PRIMPOL: variants seen among roughly 807,000 people sequenced by gnomAD.
PRIMPOL encodes DNA-directed primase/polymerase protein.
Under a neutral mutation model 63.6 loss-of-function variants are expected in PRIMPOL, and 54 were observed. The ratio of observed to expected loss-of-function variants is 0.85; its 90% CI spans 0.68 to 1.07. The LOEUF (loss-of-function observed/expected upper bound fraction) is 1.07, where lower values mean the gene tolerates loss of function less well. PRIMPOL is among the 50% of genes least tolerant of loss of function. The pLI is 0.00. For missense variants in PRIMPOL, 610 were observed against 648.3 expected (o/e 0.94, Z 0.64); for synonymous variants, 197 against 220.2 (o/e 0.89, Z 0.93).
At chr4:184,673,581 C>A (rs945841685) in intron 7 of PRIMPOL, among the ~76,000 whole-genome samples, 6 of 151,796 alleles carry the variant, frequency 4.0e-5, no homozygotes, top group African/African-American at 1.2e-4. Context: ...TGCGCCACCA[C>A]GCCCAGCTAA....
intron 2 of PRIMPOL, 134 bp from the exon 3 acceptor site, chr4:184,656,948 T>C: frequency 2.2e-6 from 1 of 453,402 alleles, no homozygotes; most frequent in Non-Finnish European, 3.8e-6. Context: ...AGCCTTGCTC[T>C]CATTCTGTGG....
At position 184,691,494 on chromosome 4, in the gene PRIMPOL, TAA is replaced by T; in HGVS notation, c.1296-3_1296-2del. ...AATACTTTTTTTTTTTTTTTAAACA[TAA>T]AGGATTCTGGTTGATCTGAAAAATG... On this transcript the variant is annotated splice_polypyrimidine_tract_variant and splice_region_variant and intron_variant, in intron 11 of 13. Transcript: ENST00000314970. The T allele has an allele frequency of 6.6e-7, 1 of 1,518,752 alleles. No individual in the cohort carries two copies. The highest frequency in any genetic ancestry group is 9.1e-7 in the Non-Finnish European group (1 of 1,104,386). 94.1% of individuals were successfully genotyped at this position (1,518,752 alleles called of 1,614,324 possible).
chr4:184,686,368 G>A (rs1384850494), intron 11 of PRIMPOL, among the ~76,000 whole-genome samples: 4 of 152,104 alleles, frequency 2.6e-5, no homozygotes, highest in East Asian at 1.9e-4. Context: ...TCGAAAGTGC[G>A]CAGGTTTGGG....
At position 184,671,734 on chromosome 4, in the gene PRIMPOL, CT is replaced by C. The variant is rs1287797074; in HGVS notation, c.557-438del. ...AGTGGCATATAACAATTTATAGCGACTCGGTTTTTTTTTTTTTTTTTTTGGT... is the reference window on the plus strand; with the variant it reads ...AGTGGCATATAACAATTTATAGCGACCGGTTTTTTTTTTTTTTTTTTTGGT... On this transcript the variant is annotated intron_variant, in intron 6 of 13. Coordinates refer to ENST00000314970, the MANE Select transcript of PRIMPOL (RefSeq NM_152683.4). Among the ~76,000 whole-genome samples the C allele has an allele frequency of 4.1e-4, 55 of 135,338 alleles. No homozygotes were observed. In the East Asian group the frequency reaches 0.011, roughly 27 times the overall value. 88.8% of individuals were successfully genotyped at this position (135,338 alleles called of 152,430 possible).
intron 6 of PRIMPOL, among the ~76,000 whole-genome samples, chr4:184,670,471 C>T (rs1751271184): frequency 6.6e-6 from 1 of 152,020 alleles, no homozygotes; most frequent in South Asian, 2.1e-4. Flanking sequence ...TTGCAAGCAC[C>T]AAATGCTTTT....
rs1490615470 is a variant in PRIMPOL at position 184,659,372 on chromosome 4, A to G, written c.213A>G (p.Val71=). Residue 71 remains valine, a synonymous_variant, in exon 4 of 14, where the codon GTA becomes GTG. Transcript: ENST00000314970. ...ATGTATTTGCTTTGGAATGCAAAGTAGGAGATGGACAACGTATTTACCTTG... is the reference window on the plus strand; with the variant it reads ...ATGTATTTGCTTTGGAATGCAAAGTGGGAGATGGACAACGTATTTACCTTG... The part of the protein sequence containing the change: ...DVHVFALECK[V]GDGQRIYLVT... 3.3e-5 allele frequency: 53 copies of G among 1,613,842 alleles called. No homozygotes were observed. The Admixed American group carries it at 8.7e-4, about 26-fold the overall frequency.
chr4:184,678,494 C>T, intron 8 of PRIMPOL, 100 bp downstream of exon 8: 35 of 706,642 alleles, frequency 5.0e-5, no homozygotes, highest in South Asian at 1.4e-4. Flanking sequence ...TAAATTCATT[C>T]TACCTTAAGA....
At chr4:184,685,270 A>G in intron 9 of PRIMPOL, 139 bp from the exon 10 acceptor site, 3 of 643,770 alleles carry the variant, frequency 4.7e-6, no homozygotes, top group Non-Finnish European at 8.3e-6. Context: ...TGTCACAAAC[A>G]TGAATTGACT....
chr4:184,682,529 G>T lies in PRIMPOL; in HGVS notation c.1096+193G>T, dbSNP rs1484883501. 5.9e-5 allele frequency among the ~76,000 whole-genome samples: 9 copies of T among 151,922 alleles called. No homozygotes were observed. In the East Asian group the frequency reaches 1.7e-3, roughly 29 times the overall value. ...CGCCCAGATAATTTTTGCATTTTTA[G>T]TAGAGATGAGATTTCACCATGTTGC... On this transcript the variant is annotated intron_variant, in intron 9 of 13. Coordinates refer to ENST00000314970, the MANE Select transcript of PRIMPOL (RefSeq NM_152683.4).
rs558160714 is a variant in PRIMPOL, at chr4:184,659,444, A to G, written c.278+7A>G. On this transcript the variant is annotated splice_region_variant and intron_variant, in intron 4 of 13. Coordinates refer to ENST00000314970, the MANE Select transcript of PRIMPOL (RefSeq NM_152683.4). The stretch of plus-strand genomic sequence containing the variant: ...GGTTTTACTATAAATCCAGGTAGGT[A>G]GCATGCAGCAGAACCACACATTAAG... 1.6e-5 allele frequency: 25 copies of G among 1,568,396 alleles called. No homozygotes were observed. The East Asian group carries it at 5.2e-4, about 32-fold the overall frequency.
rs534619337 is a variant in PRIMPOL at position 184,687,639 on chromosome 4, A to G, written c.1295+1955A>G. ...TCTTTTCTTTTGTTTTTTGAGACAG[A>G]GTTTTGCTCTTGTCGCCCAGGCTGG... On this transcript the variant is annotated intron_variant, in intron 11 of 13. Transcript: ENST00000314970. Among the ~76,000 whole-genome samples the G allele has an allele frequency of 3.5e-4, 53 of 152,084 alleles. No homozygotes were observed. In the Middle Eastern group the frequency reaches 0.01, roughly 29 times the overall value.
chr4:184,653,190 C>A (rs1183811866), intron 2 of PRIMPOL, among the ~76,000 whole-genome samples: 1 of 152,080 alleles, frequency 6.6e-6, no homozygotes, highest in Non-Finnish European at 1.5e-5. Context: ...GCTTCAGGTC[C>A]CCCCAGAAAC....
chr4:184,658,029 A>AATAG (rs1311397709), intron 3 of PRIMPOL, among the ~76,000 whole-genome samples: 2 of 145,940 alleles, frequency 1.4e-5, no homozygotes, highest in Non-Finnish European at 3.0e-5. Context: ...TAAATAAATA[A>AATAG]ATAAATATCA....
chr4:184,673,531 TCTC>T (rs1206719866), intron 7 of PRIMPOL, among the ~76,000 whole-genome samples: 1 of 150,348 alleles, frequency 6.7e-6, no homozygotes, highest in Admixed American at 6.6e-5. Context: ...TTCAAACGAT[TCTC>T]CTCCCTCAGC....
chr4:184,690,040 T>G (rs1389694397), intron 11 of PRIMPOL, among the ~76,000 whole-genome samples: 1 of 152,150 alleles, frequency 6.6e-6, no homozygotes, highest in Admixed American at 6.5e-5. Flanking sequence ...CTGCCTTTTT[T>G]TGCTCCTGGG....
intron 3 of PRIMPOL, among the ~76,000 whole-genome samples, chr4:184,658,780 C>T (rs1268732088): frequency 2.0e-5 from 3 of 151,844 alleles, no homozygotes; most frequent in Non-Finnish European, 4.4e-5. Context: ...TGGTGGTGGG[C>T]ACCTGTAATC....
At chr4:184,664,967 G>A (rs543420792) in intron 5 of PRIMPOL, among the ~76,000 whole-genome samples, 4 of 152,344 alleles carry the variant, frequency 2.6e-5, no homozygotes, top group African/African-American at 9.6e-5. Context: ...CATGAGGACA[G>A]TGTGGTGTTA....
At chr4:184,660,851 A>C (rs1748127523) in intron 4 of PRIMPOL, among the ~76,000 whole-genome samples, 1 of 152,208 alleles carries the variant, frequency 6.6e-6, no homozygotes, top group Non-Finnish European at 1.5e-5. Flanking sequence ...TAATTTGTAT[A>C]GGATGCCATC....
chr4:184,657,026 C>A, intron 2 of PRIMPOL, 56 bp from the exon 3 acceptor site: 5 of 779,432 alleles, frequency 6.4e-6, no homozygotes, highest in South Asian at 3.3e-5. Context: ...CTTTATCAAA[C>A]AAAATATATT....
Sources: gnomAD v4.1 joint callset for allele counts (sites outside exome capture counted in the v4.1 genomes callset) on GRCh38, gnomAD v4.1.1 for gene constraint, MANE v1.5 for transcripts, NCBI Gene and HGNC (gene_info 2026-07-23, HGNC 2026-07-21) for gene names.